ZNF248: variants seen among roughly 807,000 people sequenced by gnomAD.
The protein encoded by ZNF248 is KRAB protein domain.
In ZNF248, 20 loss-of-function variants were observed where a neutral mutation model predicts 44.3. The observed-to-expected ratio is 0.45, with a 90% CI of 0.32 to 0.66. The LOEUF is 0.66. Ranked by LOEUF, ZNF248 falls within the 30% of genes least tolerant of loss-of-function variation. The pLI, the probability that ZNF248 is intolerant of heterozygous loss-of-function variation, is 0.04. For synonymous variants in ZNF248, 224 were observed against 229.0 expected, an observed-to-expected ratio of 0.98 and a Z score of 0.20; for missense variants, 654 against 677.0, an observed-to-expected ratio of 0.97 and a Z score of 0.38.
Position 37,833,059 on chromosome 10 carries a change from T to A in ZNF248, c.296A>T (p.His99Leu). The A allele has an allele frequency of 6.2e-7, 1 of 1,611,026 alleles. No individual in the cohort carries two copies. The change falls in exon 6 of 6, where the codon CAT becomes CTT. Residue 99 changes from histidine (H) to leucine (L), a missense_variant. Coordinates refer to ENST00000395867, the MANE Select transcript of ZNF248 (RefSeq NM_021045.3). ...GTTGTGGAATAGAAGCTCCCAAAAA[T>A]GGTCATCTTCATTTTCCTGGCTGCT... ...LESSQENEDD[H>L]FWELLFHNNK...
the ZNF248 span, among the ~76,000 whole-genome samples, chr10:37,761,269 C>T: frequency 6.6e-6 from 1 of 152,164 alleles, no homozygotes; most frequent in African/African-American, 2.4e-5. Context: ...GGAATATCTG[C>T]CATCCCTTAG....
chr10:37,769,326 G>T, the ZNF248 span, among the ~76,000 whole-genome samples: 3 of 152,054 alleles, frequency 2.0e-5, no homozygotes, highest in Non-Finnish European at 2.9e-5. Flanking sequence ...CCAAAAAAGA[G>T]AATTTTAGAC....
intron 6 of ZNF248, chr10:37,821,065 T>TG: frequency 3.7e-6 from 3 of 812,210 alleles, no homozygotes; most frequent in South Asian, 1.5e-5. Context: ...TTATGCTCAC[T>TG]TCACTGAGAA....
At chr10:37,845,987 C>T (rs2059257099) in intron 3 of ZNF248, among the ~76,000 whole-genome samples, 1 of 152,214 alleles carries the variant, frequency 6.6e-6, no homozygotes, top group African/African-American at 2.4e-5. Context: ...CCTTGGGCAG[C>T]TGGCGAAATC....
intron 3 of ZNF248, among the ~76,000 whole-genome samples, chr10:37,841,719 A>G (rs995977876): frequency 5.3e-5 from 8 of 152,228 alleles, no homozygotes; most frequent in Non-Finnish European, 8.8e-5. Context: ...TCCACCAGGT[A>G]ATCAACAGTG....
At chr10:37,766,174 T>A in the ZNF248 span, among the ~76,000 whole-genome samples, 6 of 152,252 alleles carry the variant, frequency 3.9e-5, no homozygotes, top group Non-Finnish European at 8.8e-5. Context: ...AGGCTCCACC[T>A]GTGGGGGCAG....
chr10:37,810,782 G>A (rs1239202610), intron 6 of ZNF248, among the ~76,000 whole-genome samples: 1 of 152,202 alleles, frequency 6.6e-6, no homozygotes, highest in Non-Finnish European at 1.5e-5. Flanking sequence ...ACCATTAGCT[G>A]TCAAGAGAAA....
At chr10:37,778,412 G>A (rs375108504) in intron 6 of ZNF248, among the ~76,000 whole-genome samples, 118 of 152,148 alleles carry the variant, frequency 7.8e-4, no homozygotes, top group Non-Finnish European at 1.3e-3. Context: ...ATTTGTTTGA[G>A]TTCATTGTAG....
At chr10:37,781,186 A>T (rs2047276706) in intron 6 of ZNF248, among the ~76,000 whole-genome samples, 1 of 152,116 alleles carries the variant, frequency 6.6e-6, no homozygotes, top group East Asian at 1.9e-4. Flanking sequence ...TATGGTCTTT[A>T]CCTGGGTGGC....
chr10:37,770,563 A>G, the ZNF248 span, among the ~76,000 whole-genome samples: 1 of 152,232 alleles, frequency 6.6e-6, no homozygotes, highest in Non-Finnish European at 1.5e-5. Context: ...AAAACTGGCT[A>G]GCCATATGTA....
Position 37,830,266 on chromosome 10 carries a change from G to T in ZNF248, c.*1349C>A. On this transcript the variant is annotated 3_prime_UTR_variant, in exon 6 of 6. Transcript: ENST00000395867. ...TACATTACAGAATGACCCAGAGGTA[G>T]CTGAAAAACCTCAGAAAAGTACTGT... is the stretch of plus-strand genomic sequence containing the variant. 4 of 985,378 alleles carry T rather than the reference G, an allele frequency of 4.1e-6. No individual in the cohort carries two copies. Among genetic ancestry groups the T allele is most frequent in the Non-Finnish European group, 3.6e-6 (3 of 829,932 alleles). 61.0% of individuals were successfully genotyped at this position (985,378 alleles called of 1,614,324 possible). A position where few individuals can be genotyped will look rare whatever the true frequency, so the allele number is the denominator to read the frequency against.
chr10:37,762,985 C>A, the ZNF248 span, among the ~76,000 whole-genome samples: 1 of 152,084 alleles, frequency 6.6e-6, no homozygotes. Flanking sequence ...TGTTGGGCTT[C>A]TTTATTGAAA....
intron 6 of ZNF248, chr10:37,818,885 G>T (rs1762668823): frequency 9.4e-7 from 1 of 1,061,014 alleles, no homozygotes. Context: ...TAGCCAAAAG[G>T]CTTCCCTCCA....
chr10:37,848,574 C>A (rs1212323809), intron 3 of ZNF248, among the ~76,000 whole-genome samples: 1 of 139,580 alleles, frequency 7.2e-6, no homozygotes, highest in African/African-American at 2.7e-5. Context: ...CAGAGCCAGA[C>A]AGACTCCGTC....
intron 6 of ZNF248, among the ~76,000 whole-genome samples, chr10:37,784,559 A>C (rs1052115810): frequency 2.6e-5 from 4 of 152,190 alleles, no homozygotes; most frequent in South Asian, 2.1e-4. Flanking sequence ...AAAAAATAAT[A>C]ATCTCTGGAG....
intron 6 of ZNF248, among the ~76,000 whole-genome samples, chr10:37,823,168 T>C (rs1361426402): frequency 6.6e-6 from 1 of 151,584 alleles, no homozygotes; most frequent in Non-Finnish European, 1.5e-5. Context: ...GCCCTGTCTC[T>C]ACTAAAAATA....
At chr10:37,807,831 T>C (rs1473489692) in intron 6 of ZNF248, among the ~76,000 whole-genome samples, 2 of 152,182 alleles carry the variant, frequency 1.3e-5, no homozygotes, top group Non-Finnish European at 2.9e-5. Context: ...TAAAATCATA[T>C]AAGAACAAAA....
At chr10:37,822,450 A>G (rs2053632012) in intron 6 of ZNF248, among the ~76,000 whole-genome samples, 1 of 152,298 alleles carries the variant, frequency 6.6e-6, no homozygotes, top group Middle Eastern at 3.4e-3. Context: ...AAAAGAAATG[A>G]TTCATCCTCT....
At chr10:37,856,702 A>C in intron 1 of ZNF248, 170 bp from the exon 2 acceptor site, 1 of 995,980 alleles carries the variant, frequency 1.0e-6, no homozygotes, top group Non-Finnish European at 1.2e-6. Context: ...CTGAGGTTAG[A>C]TAATGCAAAA....
Sources: gnomAD v4.1 joint callset for allele counts (sites outside exome capture counted in the v4.1 genomes callset) on GRCh38, gnomAD v4.1.1 for gene constraint, MANE v1.5 for transcripts, NCBI Gene and HGNC (gene_info 2026-07-23, HGNC 2026-07-21) for gene names.